The following PLXND1 variants were observed in gnomAD, a reference collection of about 807,000 sequenced individuals.
The protein encoded by PLXND1 is plexin-D1.
A neutral mutation model predicts 197.7 loss-of-function variants in PLXND1; 54 were observed. That is an observed-to-expected ratio of 0.27 (90% CI 0.22 to 0.34). PLXND1 has a LOEUF of 0.34. Among genes scored for constraint, PLXND1 ranks in the 10% least tolerant of loss-of-function variants. The pLI is 1.00. For synonymous variants in PLXND1, 1,180 were observed against 1,161.2 expected, an observed-to-expected ratio of 1.02 and a Z score of -0.33; for missense variants, 2,127 against 2,699.2, an observed-to-expected ratio of 0.79 and a Z score of 4.70.
chr3:129,584,339 AC>A (rs2085428480), intron 6 of PLXND1, 45 bp downstream of exon 6: 1 of 1,604,182 alleles, frequency 6.2e-7, no homozygotes, highest in Non-Finnish European at 8.5e-7. Flanking sequence ...CTGACAGTCC[AC>A]CGTTCTGCCC....
At position 129,566,587 on chromosome 3, in the gene PLXND1, G is replaced by A. The variant is rs919698601; in HGVS notation, c.4131C>T (p.Thr1377=). The A allele has an allele frequency of 6.2e-7, 1 of 1,613,286 alleles. No individual in the cohort carries two copies. The highest frequency in any genetic ancestry group is 8.5e-7 in the Non-Finnish European group (1 of 1,179,438). ...YEERYVLPSQ[T]LNSQGSSQAQ... is the part of the protein sequence containing the mutation. ...CCTGGGAGCTGCCCTGGGAGTTGAG[G>A]GTCTGGGAGGGCAGCACGTAACGCT... Residue 1377 remains threonine (T), a synonymous_variant, in exon 23 of 36, where the codon ACC becomes ACT. Coordinates refer to ENST00000324093, the MANE Select transcript of PLXND1 (RefSeq NM_015103.3).
intron 23 of PLXND1, 54 bp downstream of exon 23, chr3:129,566,473 G>A (rs1578314572): frequency 2.8e-6 from 3 of 1,055,118 alleles, no homozygotes; most frequent in East Asian, 2.4e-5. Context: ...GGACCCAGGG[G>A]GGAGCAGGGT....
intron 34 of PLXND1, 85 bp from the exon 35 acceptor site, chr3:129,556,776 TC>T: frequency 1.1e-6 from 1 of 940,150 alleles, no homozygotes; most frequent in Non-Finnish European, 1.7e-6. Context: ...TTGCACACAA[TC>T]CCCAACTCCC....
intron 2 of PLXND1, among the ~76,000 whole-genome samples, chr3:129,587,081 G>C (rs1433180256): frequency 6.6e-6 from 1 of 152,194 alleles, no homozygotes; most frequent in Non-Finnish European, 1.5e-5. Flanking sequence ...CAATGTGTAA[G>C]TTGTACAAGC....
At position 129,577,460 on chromosome 3, in the gene PLXND1, TGGGGCTTGAGGGCTGA is replaced by T. The variant is rs1437697412; in HGVS notation, c.2346+853_2346+868del. ...GGCGCTTGCCCCAACTCCTGCAGGGTGGGGCTTGAGGGCTGAGGGCAGGCCCCACCCTAGCCCTCCC... is the reference window on the plus strand; with the variant it reads ...GGCGCTTGCCCCAACTCCTGCAGGGTGGGCAGGCCCCACCCTAGCCCTCCC... On this transcript the variant is annotated intron_variant, in intron 9 of 35. Transcript: ENST00000324093. This position sits in a 1 kb window ranked among gnomAD's most constrained non-coding sequence, Gnocchi z 5.0. Among the ~76,000 whole-genome samples, 1 of 103,832 alleles carries T rather than the reference TGGGGCTTGAGGGCTGA, an allele frequency of 9.6e-6. No homozygotes were observed. The highest frequency in any genetic ancestry group is 3.7e-5 in the African/African-American group (1 of 26,798). 68.1% of individuals were successfully genotyped at this position (103,832 alleles called of 152,430 possible).
intron 1 of PLXND1, among the ~76,000 whole-genome samples, chr3:129,598,306 T>TC (rs2085657544): frequency 6.6e-6 from 1 of 151,992 alleles, no homozygotes; most frequent in Non-Finnish European, 1.5e-5. Flanking sequence ...ATGAGCTGGT[T>TC]AGTGTGTGGC....
At position 129,567,747 on chromosome 3, in the gene PLXND1, C is replaced by G. The variant is rs747569227; in HGVS notation, c.3924G>C (p.Leu1308=). 6 of 1,613,410 alleles carry G rather than the reference C, an allele frequency of 3.7e-6. No homozygotes were observed. The highest frequency in any genetic ancestry group is 1.7e-5 in the Admixed American group (1 of 60,004). ...GAGATTCCATCTCCTCCATCTGCAGCAGCGTCTTCTGCCAGTAACGCTCAG... is the reference window on the plus strand; with the variant it reads ...GAGATTCCATCTCCTCCATCTGCAGGAGCGTCTTCTGCCAGTAACGCTCAG... ...RRAERYWQKT[L]LQMEEMESQI... Residue 1308 remains leucine, a synonymous_variant, in exon 21 of 36, where the codon CTG becomes CTC. Coordinates refer to ENST00000324093, the MANE Select transcript of PLXND1 (RefSeq NM_015103.3).
At chr3:129,594,343 G>C (rs765121369) in intron 1 of PLXND1, among the ~76,000 whole-genome samples, 1 of 152,274 alleles carries the variant, frequency 6.6e-6, no homozygotes, top group Non-Finnish European at 1.5e-5. Context: ...TGGGCCGTTC[G>C]CACCATGGCT....
intron 20 of PLXND1, 152 bp downstream of exon 20, chr3:129,569,691 A>G (rs548421425): frequency 4.9e-6 from 3 of 616,234 alleles, no homozygotes; most frequent in South Asian, 1.8e-5. Flanking sequence ...ACCTCCCCCA[A>G]CCTCTGGGTG....
chr3:129,580,666 G>C (rs969384059), intron 8 of PLXND1, among the ~76,000 whole-genome samples: 1 of 152,036 alleles, frequency 6.6e-6, no homozygotes, highest in East Asian at 1.9e-4. Context: ...CCTGTGGCCA[G>C]GTGGATGCTC....
At chr3:129,575,691 G>A in intron 10 of PLXND1, 75 bp downstream of exon 10, 1 of 1,252,484 alleles carries the variant, frequency 8.0e-7, no homozygotes, top group South Asian at 1.3e-5. Context: ...GAGAGAGGCA[G>A]GGTGGGGTGA....
Position 129,605,320 on chromosome 3 carries a change from C to G in PLXND1, c.1311+9G>C. The G allele has an allele frequency of 1.5e-6, 2 of 1,302,582 alleles. No homozygotes were observed. The highest frequency in any genetic ancestry group is 1.9e-6 in the Non-Finnish European group (2 of 1,026,562). The allele number at this position is 1,302,582 out of a possible 1,614,324, so 80.7% of individuals were successfully genotyped here. ...CGCCGCCGCCGCCGCCGCCACCGCC[C>G]GGGTGTACCTGGATGTTGAGCTTGC... On this transcript the variant is annotated intron_variant, in intron 1 of 35. Coordinates refer to ENST00000324093, the MANE Select transcript of PLXND1 (RefSeq NM_015103.3).
chr3:129,589,310 T>TGCCACCCCCCCCCCCCCCCCC, intron 2 of PLXND1, 41 bp downstream of exon 2: 3 of 501,294 alleles, frequency 6.0e-6, no homozygotes, highest in Non-Finnish European at 1.1e-5. Context: ...CAGGGGAGCC[T>TGCCACCCCCCCCCCCCCCCCC]CCCACCCCCA....
chr3:129,561,413 C>T (rs1404406971), intron 29 of PLXND1, among the ~76,000 whole-genome samples: 1 of 152,220 alleles, frequency 6.6e-6, no homozygotes, highest in Admixed American at 6.5e-5. Context: ...TGCATCCCGC[C>T]CTCCCGGGGC....
At chr3:129,567,118 G>A (rs2108770535) in intron 22 of PLXND1, among the ~76,000 whole-genome samples, 1 of 152,210 alleles carries the variant, frequency 6.6e-6, no homozygotes, top group Admixed American at 6.5e-5. Context: ...GTGGACAGGA[G>A]GAGGGAGTGT....
At chr3:129,572,013 C>T (rs112834794) in intron 15 of PLXND1, among the ~76,000 whole-genome samples, 169 bp from the exon 16 acceptor site, 3,134 of 152,270 alleles carry the variant, frequency 0.021, 43 homozygotes, top group Non-Finnish European at 0.028. Flanking sequence ...TTTCCTTACA[C>T]TTCCAAATTC....
At position 129,557,159 on chromosome 3, in the gene PLXND1, C is replaced by CGCT; in HGVS notation, c.5507_5509dup (p.Gln1836dup). The CGCT allele has an allele frequency of 6.2e-7, 1 of 1,614,078 alleles. No homozygotes were observed. Among genetic ancestry groups the CGCT allele is most frequent in the Non-Finnish European group, 8.5e-7 (1 of 1,179,990 alleles). On this transcript the variant is annotated inframe_insertion, in exon 34 of 36. Transcript: ENST00000324093. This position sits in a 1 kb window ranked among gnomAD's most constrained non-coding sequence, Gnocchi z 4.8. ...CATGTCCTGGATCTGCTTGTAGTAGCGCTGCACGATCTTCCGGTACTCAGG... is the reference window on the plus strand; with the variant it reads ...CATGTCCTGGATCTGCTTGTAGTAGCGCTGCTGCACGATCTTCCGGTACTCAGG...
intron 2 of PLXND1, among the ~76,000 whole-genome samples, chr3:129,587,076 T>C (rs2301573): frequency 0.095 from 14,380 of 152,158 alleles, 902 homozygotes; most frequent in East Asian, 0.26. Context: ...CTCTACAATG[T>C]GTAAGTTGTA....
At position 129,606,469 on chromosome 3, in the gene PLXND1, C is replaced by A; in HGVS notation, c.171G>T (p.Thr57=). The part of the protein sequence containing the change: ...LEIQRRFPSP[T]PTNNFALDGA... ...CGTCCAGGGCGAAGTTGTTGGTGGG[C>A]GTGGGCGAGGGGAACCGACGCTGGA... The change falls in exon 1 of 36, where the codon ACG becomes ACT. Residue 57 remains threonine (T), a synonymous_variant. Transcript: ENST00000324093. 3 of 1,438,062 alleles carry A rather than the reference C, an allele frequency of 2.1e-6. No homozygotes were observed. Among genetic ancestry groups the A allele is most frequent in the African/African-American group, 1.5e-5 (1 of 67,146 alleles). The allele number at this position is 1,438,062 out of a possible 1,614,324, so 89.1% of individuals were successfully genotyped here. A position where few individuals can be genotyped will look rare whatever the true frequency, so the allele number is the denominator to read the frequency against.
Sources: allele counts gnomAD v4.1 joint callset (sites outside exome capture counted in the v4.1 genomes callset), GRCh38; gene constraint gnomAD v4.1.1; non-coding constraint Gnocchi (gnomAD v3.1); transcripts MANE v1.5; gene names NCBI Gene and HGNC (gene_info 2026-07-23, HGNC 2026-07-21).